Variants in SF3A3 observed in about 807,000 individuals in gnomAD.
SF3A3 encodes SAP 61.
A neutral mutation model predicts 85.8 loss-of-function variants in SF3A3; 9 were observed. The observed-to-expected ratio is 0.10, with a 90% CI of 0.06 to 0.18. The LOEUF is 0.18. Ranked by LOEUF, SF3A3 falls within the 10% of genes least tolerant of loss-of-function variation. SF3A3 has a pLI of 1.00. For synonymous variants in SF3A3, 195 were observed against 204.4 expected, an observed-to-expected ratio of 0.95 and a Z score of 0.39; for missense variants, 306 against 593.3, an observed-to-expected ratio of 0.52 and a Z score of 5.03.
chr1:37,967,788 A>C (rs1327375365), intron 15 of SF3A3, among the ~76,000 whole-genome samples: 1 of 150,226 alleles, frequency 6.7e-6, no homozygotes, highest in Non-Finnish European at 1.5e-5. Flanking sequence ...TGCGCCCGGG[A>C]GGCAGAGGTT....
intron 15 of SF3A3, among the ~76,000 whole-genome samples, chr1:37,963,053 A>G (rs1430173837): frequency 3.3e-5 from 5 of 151,378 alleles, no homozygotes. Context: ...GCGCCACTGC[A>G]CTCTAGCCTG....
rs991895517 is a variant in SF3A3, at chr1:37,981,621, T to C, written c.551+108A>G. ...CCATCCTCCAATAAACCTGGAAGTA[T>C]GCCTTCATGTATGCCTTCCAGGCAA... On this transcript the variant is annotated intron_variant, in intron 7 of 16. Coordinates refer to ENST00000373019, the MANE Select transcript of SF3A3 (RefSeq NM_006802.4). 8 of 742,744 alleles carry C rather than the reference T, an allele frequency of 1.1e-5. No individual in the cohort carries two copies. In the African/African-American group the frequency reaches 1.4e-4, roughly 13 times the overall value. 46.0% of individuals were successfully genotyped at this position (742,744 alleles called of 1,614,324 possible). A position where few individuals can be genotyped will look rare whatever the true frequency, so the allele number is the denominator to read the frequency against.
chr1:37,984,208 A>C lies in SF3A3; in HGVS notation c.429T>G (p.His143Gln). The C allele has an allele frequency of 1.2e-6, 2 of 1,609,980 alleles. No individual in the cohort carries two copies. Among genetic ancestry groups the C allele is most frequent in the Non-Finnish European group, 1.7e-6 (2 of 1,177,128 alleles). Reference sequence around the variant, plus strand: ...GGTTAATGTACTTGAGGTAACAGTCATGGAGATCGAGATAACGACCATATC... The same window carrying C: ...GGTTAATGTACTTGAGGTAACAGTCCTGGAGATCGAGATAACGACCATATC... ...EEGYGRYLDL[H>Q]DCYLKYINLK... Residue 143 changes from histidine to glutamine, a missense_variant, in exon 6 of 17, where the codon CAT (histidine) becomes CAG (glutamine). By Grantham distance (24) the His-to-Gln change is conservative. Coordinates refer to ENST00000373019, the MANE Select transcript of SF3A3 (RefSeq NM_006802.4).
chr1:37,965,962 A>T (rs1394615288), intron 15 of SF3A3, among the ~76,000 whole-genome samples: 1 of 152,158 alleles, frequency 6.6e-6, no homozygotes, highest in Non-Finnish European at 1.5e-5. Context: ...GTACTTTGGG[A>T]AGCCAAGGCA....
At chr1:37,981,629 T>A in intron 7 of SF3A3, 100 bp downstream of exon 7, 2 of 775,408 alleles carry the variant, frequency 2.6e-6, no homozygotes, top group Non-Finnish European at 4.5e-6. Context: ...TATGCCTTCA[T>A]GTATGCCTTC....
Position 37,975,022 on chromosome 1 carries a change from GTTTC to G in SF3A3, c.1005+1858_1005+1861del, listed in dbSNP as rs147575965. On this transcript the variant is annotated intron_variant, in intron 12 of 16. Coordinates refer to ENST00000373019, the MANE Select transcript of SF3A3 (RefSeq NM_006802.4). The stretch of plus-strand genomic sequence containing the variant: ...TTTGTCTCCCCTAACCACAAAATGA[GTTTC>G]TTAAGGGCAAGAGGCTGTGTCTTAT... Among the ~76,000 whole-genome samples, 509 of 152,170 alleles carry G rather than the reference GTTTC, an allele frequency of 3.3e-3. 2 individuals are homozygous for G. The highest frequency in any genetic ancestry group is 0.012 in the African/African-American group (487 of 41,540).
intron 4 of SF3A3, 132 bp downstream of exon 4, chr1:37,987,441 A>G: frequency 2.9e-6 from 2 of 685,760 alleles, no homozygotes; most frequent in Non-Finnish European, 5.1e-6. Flanking sequence ...TCAGCTAACT[A>G]TGGTCCTTGC....
At chr1:37,958,631 A>T (rs1051632389) in intron 16 of SF3A3, among the ~76,000 whole-genome samples, 3 of 152,236 alleles carry the variant, frequency 2.0e-5, no homozygotes, top group Non-Finnish European at 4.4e-5. Flanking sequence ...GAATCCCAGG[A>T]TTCTGCTCAG....
intron 2 of SF3A3, among the ~76,000 whole-genome samples, chr1:37,989,273 C>G: frequency 6.6e-6 from 1 of 150,690 alleles, no homozygotes; most frequent in African/African-American, 2.5e-5. Context: ...CCAGCCTAGG[C>G]AACAGAGCGA....
intron 12 of SF3A3, among the ~76,000 whole-genome samples, chr1:37,974,669 A>C (rs2148720165): frequency 6.6e-6 from 1 of 152,120 alleles, no homozygotes; most frequent in African/African-American, 2.4e-5. Flanking sequence ...TTTTGCTACC[A>C]GGTTTATCTG....
chr1:37,988,103 C>G (rs1482429871), intron 2 of SF3A3, among the ~76,000 whole-genome samples: 2 of 152,142 alleles, frequency 1.3e-5, no homozygotes, highest in East Asian at 3.8e-4. Context: ...TAAGGGGTGG[C>G]TCCTATCTTT....
At chr1:37,959,064 A>C (rs1295590099) in intron 16 of SF3A3, among the ~76,000 whole-genome samples, 1 of 150,116 alleles carries the variant, frequency 6.7e-6, no homozygotes, top group African/African-American at 2.4e-5. Context: ...CCCACTTGCC[A>C]TTTCAACTTT....
intron 15 of SF3A3, among the ~76,000 whole-genome samples, chr1:37,965,334 AAT>A: frequency 1.2e-5 from 1 of 84,778 alleles, no homozygotes; most frequent in East Asian, 3.8e-4. Flanking sequence ...ATAAACTCAG[AAT>A]AGTTTTATAA....
chr1:37,966,788 A>G (rs566226639), intron 15 of SF3A3, among the ~76,000 whole-genome samples: 34 of 151,132 alleles, frequency 2.2e-4, no homozygotes, highest in African/African-American at 7.8e-4. Context: ...GTACAAAATT[A>G]GCCAGGCATG....
intron 2 of SF3A3, among the ~76,000 whole-genome samples, chr1:37,989,310 G>GAAGA (rs1646477929): frequency 7.3e-6 from 1 of 136,702 alleles, no homozygotes; most frequent in African/African-American, 2.7e-5. Flanking sequence ...AGAAGAAGAA[G>GAAGA]AAAAAAAAAA....
chr1:37,985,949 C>CTTTTT (rs10673830), intron 4 of SF3A3, among the ~76,000 whole-genome samples: 15 of 118,916 alleles, frequency 1.3e-4, no homozygotes, highest in Admixed American at 6.0e-4. Context: ...TCCTACCAGA[C>CTTTTT]TTTTTTTTTT....
At chr1:37,958,714 T>C (rs553202320) in intron 16 of SF3A3, among the ~76,000 whole-genome samples, 85 of 152,290 alleles carry the variant, frequency 5.6e-4, no homozygotes, top group African/African-American at 1.6e-3. Context: ...TCTGCTTGAT[T>C]CTATTTTATA....
chr1:37,980,254 G>T (rs1353663344), intron 8 of SF3A3, among the ~76,000 whole-genome samples: 1 of 152,050 alleles, frequency 6.6e-6, no homozygotes, highest in Non-Finnish European at 1.5e-5. Context: ...GAGAAACCCT[G>T]TCCCCACTAA....
intron 9 of SF3A3, 44 bp downstream of exon 9, chr1:37,979,421 A>C: frequency 6.8e-7 from 1 of 1,461,702 alleles, no homozygotes; most frequent in South Asian, 1.1e-5. Flanking sequence ...TTAAAGACAG[A>C]AAAATAGACA....
Sources: gnomAD v4.1 joint callset for allele counts (sites outside exome capture counted in the v4.1 genomes callset) on GRCh38, gnomAD v4.1.1 for gene constraint, MANE v1.5 for transcripts, NCBI Gene and HGNC (gene_info 2026-07-23, HGNC 2026-07-21) for gene names.